LIPA: variants seen among roughly 807,000 people sequenced by gnomAD.
LIPA encodes the protein lipase A, lysosomal acid type.
Under a neutral mutation model 40.6 loss-of-function variants are expected in LIPA, and 26 were observed. That is an observed-to-expected ratio of 0.64 (90% CI 0.47 to 0.89). The LOEUF is 0.89. Among genes scored for constraint, LIPA ranks in the 40% least tolerant of loss-of-function variants. The pLI, the probability that LIPA is intolerant of heterozygous loss-of-function variation, is 0.00. For missense variants in LIPA, 455 were observed against 479.6 expected, an observed-to-expected ratio of 0.95 and a Z score of 0.48; for synonymous variants, 188 against 168.4, an observed-to-expected ratio of 1.12 and a Z score of -0.90.
intron 2 of LIPA, among the ~76,000 whole-genome samples, chr10:89,365,501 A>G (rs570645677): frequency 6.6e-6 from 1 of 152,226 alleles, no homozygotes; most frequent in Admixed American, 6.5e-5. Context: ...TTGTTTCTGG[A>G]GTTTTAGACA....
intron 3 of LIPA, among the ~76,000 whole-genome samples, chr10:89,239,314 C>G (rs1047726396): frequency 2.0e-5 from 3 of 152,220 alleles, no homozygotes; most frequent in Admixed American, 6.5e-5. Flanking sequence ...GCCTTCACTA[C>G]CCATCAGCTG....
chr10:89,300,653 G>C (rs922787951), intron 1 of LIPA, among the ~76,000 whole-genome samples: 3 of 152,212 alleles, frequency 2.0e-5, no homozygotes, highest in African/African-American at 7.2e-5. Flanking sequence ...ATGGATTGTT[G>C]AATGTCAGAG....
At chr10:89,359,965 A>T (rs1844012408) in intron 2 of LIPA, among the ~76,000 whole-genome samples, 1 of 152,070 alleles carries the variant, frequency 6.6e-6, no homozygotes, top group Non-Finnish European at 1.5e-5. Context: ...TTCTCACTAT[A>T]GTTCTATAAC....
intron 1 of LIPA, among the ~76,000 whole-genome samples, chr10:89,294,848 T>C (rs1424353625): frequency 6.6e-6 from 1 of 151,752 alleles, no homozygotes; most frequent in Non-Finnish European, 1.5e-5. Flanking sequence ...GTGGCACTCA[T>C]CTGTGATCCC....
At chr10:89,309,465 G>A (rs1206558281) in intron 1 of LIPA, among the ~76,000 whole-genome samples, 1 of 152,156 alleles carries the variant, frequency 6.6e-6, no homozygotes, top group Non-Finnish European at 1.5e-5. Context: ...TATGTTTCAG[G>A]GGAAGATCTA....
intron 2 of LIPA, chr10:89,383,664 C>A (rs1357393525): frequency 3.1e-6 from 5 of 1,614,224 alleles, no homozygotes; most frequent in African/African-American, 2.7e-5. Context: ...CCCAGACTTA[C>A]CTGGACAAGG....
intron 2 of LIPA, among the ~76,000 whole-genome samples, chr10:89,360,983 A>G (rs1844018652): frequency 6.6e-6 from 1 of 151,998 alleles, no homozygotes; most frequent in Admixed American, 6.6e-5. Flanking sequence ...TTGTGTTTTT[A>G]TATCTTCCCT....
chr10:89,375,502 A>G (rs74494310), intron 2 of LIPA, among the ~76,000 whole-genome samples: 1,687 of 152,296 alleles, frequency 0.011, 42 homozygotes, highest in East Asian at 0.093. Context: ...CAGAGTACAC[A>G]ACCCCAAAAT....
upstream of LIPA, among the ~76,000 whole-genome samples, chr10:89,253,632 C>A (rs780026576): frequency 6.6e-6 from 1 of 152,178 alleles, no homozygotes; most frequent in African/African-American, 2.4e-5. Context: ...ACCAATCATG[C>A]CTTCCCAGTA....
At chr10:89,228,065 C>T in intron 4 of LIPA, 135 bp downstream of exon 4, 1 of 742,464 alleles carries the variant, frequency 1.3e-6, no homozygotes, top group Non-Finnish European at 2.4e-6. Flanking sequence ...ACATTTAAAA[C>T]CTTTCAAAAG....
chr10:89,232,184 G>A (rs566486859), intron 3 of LIPA, among the ~76,000 whole-genome samples: 35 of 152,322 alleles, frequency 2.3e-4, no homozygotes, highest in Non-Finnish European at 4.1e-4. Context: ...AACTGTACGT[G>A]AGAATGGTGA....
At position 89,399,855 on chromosome 10, in the gene LIPA, C is replaced by A. The variant is rs77358722; in HGVS notation, c.61+12936G>T. Among the ~76,000 whole-genome samples, 42 of 152,186 alleles carry A rather than the reference C, an allele frequency of 2.8e-4. No individual in the cohort carries two copies. The East Asian group carries it at 7.5e-3, about 27-fold the overall frequency. ...CCAACAGAGCTGGTGTCCTTAGACA[C>A]CAAAGCTCACTCTCTCTCTCTCTGT... On this transcript the variant is annotated intron_variant, in intron 2 of 8. Coordinates refer to the LIPA transcript ENST00000371837.
chr10:89,318,128 A>C (rs1843550877), intron 1 of LIPA, among the ~76,000 whole-genome samples: 1 of 152,190 alleles, frequency 6.6e-6, no homozygotes, highest in African/African-American at 2.4e-5. Context: ...AAGTGTAAAG[A>C]CCATCGGTGC....
At chr10:89,248,643 T>G (rs183067326) in intron 1 of LIPA, among the ~76,000 whole-genome samples, 2 of 145,266 alleles carry the variant, frequency 1.4e-5, no homozygotes, top group Non-Finnish European at 3.0e-5. Flanking sequence ...CCCGGCAAAT[T>G]TTTTTGTATT....
chr10:89,252,807 C>CAAAAAAA (rs34928929), upstream of LIPA, among the ~76,000 whole-genome samples: 1 of 132,278 alleles, frequency 7.6e-6, no homozygotes. Flanking sequence ...CTCCATCCCC[C>CAAAAAAA]AAAAAAAAAA....
At chr10:89,224,755 C>T (rs980064151) in intron 6 of LIPA, among the ~76,000 whole-genome samples, 1 of 152,176 alleles carries the variant, frequency 6.6e-6, no homozygotes, top group African/African-American at 2.4e-5. Context: ...CTCCTACATC[C>T]TCTGTGCACA....
intron 1 of LIPA, among the ~76,000 whole-genome samples, chr10:89,305,518 A>G (rs932944581): frequency 2.0e-5 from 3 of 152,210 alleles, no homozygotes; most frequent in African/African-American, 7.2e-5. Flanking sequence ...ATGGCAAAAC[A>G]TTAAAAGAAT....
In LIPA at chr10:89,390,622, A is replaced by T. The variant is rs77108966; in HGVS notation, c.61+22169T>A. ...TTTTTATCTGTAAACACACACACAC[A>T]CGCGCGCGATTGGCTTTTCTTTCCT... On this transcript the variant is annotated intron_variant, in intron 2 of 8. Coordinates refer to the LIPA transcript ENST00000371837. 1.9e-3 allele frequency among the ~76,000 whole-genome samples: 289 copies of T among 151,896 alleles called. 1 individual carries two copies. Among genetic ancestry groups the T allele is most frequent in the African/African-American group, 5.6e-3 (231 of 41,398 alleles).
At chr10:89,317,334 A>C (rs1466996884) in intron 1 of LIPA, among the ~76,000 whole-genome samples, 1 of 152,222 alleles carries the variant, frequency 6.6e-6, no homozygotes, top group Non-Finnish European at 1.5e-5. Flanking sequence ...AGATTCGACG[A>C]ATGGCTAACT....
Sources: gnomAD v4.1 joint callset for allele counts (sites outside exome capture counted in the v4.1 genomes callset) on GRCh38, gnomAD v4.1.1 for gene constraint, MANE v1.5 for transcripts, NCBI Gene and HGNC (gene_info 2026-07-23, HGNC 2026-07-21) for gene names.